CLIP2: variants seen among roughly 807,000 people sequenced by gnomAD.
The protein encoded by CLIP2 is CAP-Gly domain containing linker protein 2.
CLIP2 carries 41 observed loss-of-function variants against 111.7 expected under a neutral mutation model. That is an observed-to-expected ratio of 0.37 (90% confidence interval 0.29 to 0.48). The LOEUF is 0.48. CLIP2 is among the 20% of genes least tolerant of loss of function. The pLI is 0.99. For missense variants in CLIP2, 1,160 were observed against 1,422.1 expected, an observed-to-expected ratio of 0.82 and a Z score of 2.96; for synonymous variants, 660 against 644.2, an observed-to-expected ratio of 1.02 and a Z score of -0.37.
chr7:74,343,147 G>A (rs1005152272), intron 3 of CLIP2, among the ~76,000 whole-genome samples: 13 of 151,240 alleles, frequency 8.6e-5, no homozygotes, highest in South Asian at 4.2e-4. Flanking sequence ...GAGATGGTGC[G>A]GCTCCACTCC....
chr7:74,324,352 T>C (rs1789055381), intron 2 of CLIP2, among the ~76,000 whole-genome samples: 1 of 152,132 alleles, frequency 6.6e-6, no homozygotes, highest in Non-Finnish European at 1.5e-5. Context: ...TTGCATCCTA[T>C]GGGAAGCACC....
intron 1 of CLIP2, among the ~76,000 whole-genome samples, chr7:74,311,550 C>A (rs1327585228): frequency 6.6e-6 from 1 of 152,062 alleles, no homozygotes; most frequent in Non-Finnish European, 1.5e-5. Context: ...TATATTCAAA[C>A]CTTTCACCCA....
chr7:74,387,187 C>T (rs964791244), intron 12 of CLIP2, among the ~76,000 whole-genome samples: 4 of 152,180 alleles, frequency 2.6e-5, no homozygotes, highest in African/African-American at 9.6e-5. Flanking sequence ...AAATTCTATC[C>T]ATTCTATCCC....
chr7:74,327,496 C>T (rs1239507720), intron 2 of CLIP2, among the ~76,000 whole-genome samples: 2 of 152,138 alleles, frequency 1.3e-5, no homozygotes, highest in Non-Finnish European at 2.9e-5. Flanking sequence ...AGGTGGGGCC[C>T]CCACCCCCAC....
At chr7:74,358,807 G>A (rs1554309090) in intron 6 of CLIP2, among the ~76,000 whole-genome samples, 1 of 152,020 alleles carries the variant, frequency 6.6e-6, no homozygotes, top group African/African-American at 2.4e-5. Context: ...CTGGCCTCAA[G>A]TGACCCTCCC....
chr7:74,369,854 C>CAAAAA (rs58294211), intron 8 of CLIP2, among the ~76,000 whole-genome samples: 3 of 9,500 alleles, frequency 3.2e-4, no homozygotes, highest in Non-Finnish European at 6.3e-4. Flanking sequence ...GACTCTGCCT[C>CAAAAA]AAAAAAAAAA....
chr7:74,362,086 C>T lies in CLIP2; in HGVS notation c.1319+1808C>T, dbSNP rs192015886. Among the ~76,000 whole-genome samples, 1,136 of 149,188 alleles carry T rather than the reference C, an allele frequency of 7.6e-3. 11 individuals are homozygous for T. Among genetic ancestry groups the T allele is most frequent in the Admixed American group, 0.023 (337 of 14,824 alleles). ...ACTACAGTACAGCTGGGTAACAGAG[C>T]GAGGCTCCGCCTCAAAAAAAAAAAA... On this transcript the variant is annotated intron_variant, in intron 7 of 16. Coordinates refer to ENST00000223398, the MANE Select transcript of CLIP2 (RefSeq NM_003388.5).
At chr7:74,308,680 T>G (rs1471681471) in intron 1 of CLIP2, among the ~76,000 whole-genome samples, 1 of 151,896 alleles carries the variant, frequency 6.6e-6, no homozygotes, top group African/African-American at 2.4e-5. Context: ...AATTTTTGTA[T>G]TTTTAGTAGA....
In CLIP2 at chr7:74,338,505, C is replaced by T. The variant is rs782276306; in HGVS notation, c.179C>T (p.Ala60Val). 1.9e-6 allele frequency: 3 copies of T among 1,611,248 alleles called. No individual in the cohort carries two copies. Among genetic ancestry groups the T allele is most frequent in the African/African-American group, 1.3e-5 (1 of 75,010 alleles). ...TCCTCCTCCCCGGCCGCAGCTGCTG[C>T]CCCCGAGAAGCCGGGCCCCAAGGCG... ...GPSSSPAAAA[A>V]PEKPGPKAAE... The change falls in exon 3 of 17, where the codon GCC (alanine) becomes GTC (valine). Residue 60 changes from alanine to valine, a missense_variant. Physicochemically the swap from Ala to Val is moderately conservative, Grantham distance 64 (BLOSUM62 0). Coordinates refer to ENST00000223398, the MANE Select transcript of CLIP2 (RefSeq NM_003388.5). The surrounding 1 kb of genome is among the most constrained non-coding windows in gnomAD (Gnocchi z 4.3).
chr7:74,400,532 A>AGGAGCTGCCCTGACAAGGCCCAGG lies in CLIP2; in HGVS notation c.3044_3066+1dup, dbSNP rs1383186704. On this transcript the variant is annotated inframe_insertion, in exon 15 of 17. Transcript: ENST00000223398. ...GGTGGAGAAGCTGATGGAGGCCATG[A>AGGAGCTGCCCTGACAAGGCCCAGG]GGAGCTGCCCTGACAAGGCCCAGGT... 1 of 1,597,024 alleles carries AGGAGCTGCCCTGACAAGGCCCAGG rather than the reference A, an allele frequency of 6.3e-7. No homozygotes were observed. Among genetic ancestry groups the AGGAGCTGCCCTGACAAGGCCCAGG allele is most frequent in the Non-Finnish European group, 8.5e-7 (1 of 1,171,896 alleles).
intron 1 of CLIP2, among the ~76,000 whole-genome samples, chr7:74,294,210 G>A (rs1480224812): frequency 6.6e-6 from 1 of 152,178 alleles, no homozygotes; most frequent in Non-Finnish European, 1.5e-5. Context: ...AGTATTACAG[G>A]CGTGAGCCAC....
At position 74,338,533 on chromosome 7, in the gene CLIP2, G is replaced by A. The variant is rs782162206; in HGVS notation, c.207G>A (p.Ala69=). 1.2e-5 allele frequency: 19 copies of A among 1,603,014 alleles called. No homozygotes were observed. The African/African-American group carries it at 1.9e-4, about 16-fold the overall frequency. Residue 69 remains alanine (A), a synonymous_variant, in exon 3 of 17, where the codon GCG becomes GCA. Coordinates refer to ENST00000223398, the MANE Select transcript of CLIP2 (RefSeq NM_003388.5). The surrounding 1 kb of genome is among the most constrained non-coding windows in gnomAD (Gnocchi z 4.3). ...AAPEKPGPKA[A]EVGDDFLGDF... The stretch of plus-strand genomic sequence containing the variant: ...CCGAGAAGCCGGGCCCCAAGGCGGC[G>A]GAAGTGGGGGATGACTTCCTGGGGG...
At chr7:74,351,256 G>A (rs1001993215) in intron 3 of CLIP2, among the ~76,000 whole-genome samples, 5 of 151,788 alleles carry the variant, frequency 3.3e-5, no homozygotes, top group Admixed American at 3.3e-4. Context: ...GAGCCCGGAA[G>A]TTTGAGACCA....
intron 11 of CLIP2, among the ~76,000 whole-genome samples, chr7:74,383,573 TG>T (rs1173534786): frequency 3.3e-5 from 5 of 152,278 alleles, no homozygotes; most frequent in South Asian, 2.1e-4. Context: ...AATTAACAAA[TG>T]AAAAAAATTA....
At chr7:74,398,247 T>C (rs1791514713) in intron 14 of CLIP2, among the ~76,000 whole-genome samples, 3 of 152,002 alleles carry the variant, frequency 2.0e-5, no homozygotes, top group Middle Eastern at 6.8e-3. Flanking sequence ...TAATCCCAGC[T>C]ACTTGGGAGG....
intron 1 of CLIP2, among the ~76,000 whole-genome samples, chr7:74,289,997 G>T (rs1010820787): frequency 3.3e-5 from 5 of 152,192 alleles, no homozygotes; most frequent in African/African-American, 9.6e-5. Context: ...CGGGCTGCGG[G>T]TCCCCCTGTT....
intron 13 of CLIP2, among the ~76,000 whole-genome samples, chr7:74,390,752 G>GTT (rs1791272738): frequency 7.1e-6 from 1 of 140,272 alleles, no homozygotes; most frequent in Admixed American, 7.2e-5. Context: ...GCGGGGTGGG[G>GTT]GGGGTGGGTG....
chr7:74,346,988 A>T (rs893034671), intron 3 of CLIP2, among the ~76,000 whole-genome samples: 1 of 151,772 alleles, frequency 6.6e-6, no homozygotes, highest in East Asian at 2.0e-4. Flanking sequence ...ACAGTGAGCC[A>T]TGAATGCACC....
intron 3 of CLIP2, among the ~76,000 whole-genome samples, chr7:74,353,674 T>G (rs901010054): frequency 3.3e-5 from 5 of 152,228 alleles, no homozygotes; most frequent in Non-Finnish European, 5.9e-5. Context: ...TCAAAGCCTG[T>G]GCCCTTGCCT....
Sources: allele counts gnomAD v4.1 joint callset (sites outside exome capture counted in the v4.1 genomes callset), GRCh38; gene constraint gnomAD v4.1.1; non-coding constraint Gnocchi (gnomAD v3.1); transcripts MANE v1.5; gene names NCBI Gene and HGNC (gene_info 2026-07-23, HGNC 2026-07-21).